KDM4C: variants seen among roughly 807,000 people sequenced by gnomAD.
KDM4C encodes the protein lysine-specific demethylase 4C.
In KDM4C, 81 loss-of-function variants were observed where a neutral mutation model predicts 129.3. The observed-to-expected ratio is 0.63, with a 90% CI of 0.52 to 0.75. The LOEUF (loss-of-function observed/expected upper bound fraction) is 0.75. KDM4C is among the 30% of genes least tolerant of loss of function. The pLI, the probability that KDM4C is intolerant of heterozygous loss-of-function variation, is 0.00. For synonymous variants in KDM4C, 573 were observed against 456.1 expected (o/e 1.26, Z -3.26); for missense variants, 1,457 against 1,304.0 (o/e 1.12, Z -1.81).
chr9:7,076,979 C>G, intron 17 of KDM4C: 2 of 985,688 alleles, frequency 2.0e-6, no homozygotes, highest in Non-Finnish European at 2.4e-6. Flanking sequence ...AGGCTTGAAT[C>G]TAAGAGAATC....
At chr9:7,049,047 A>C (rs375759384) in intron 16 of KDM4C, 45 bp from the exon 17 acceptor site, 14 of 1,313,432 alleles carry the variant, frequency 1.1e-5, no homozygotes, top group African/African-American at 2.9e-5. Flanking sequence ...GAAGTATGTA[A>C]GTTTAGGGAA....
intron 1 of KDM4C, among the ~76,000 whole-genome samples, chr9:6,768,120 C>A (rs1416232590): frequency 6.6e-6 from 1 of 152,100 alleles, no homozygotes; most frequent in Non-Finnish European, 1.5e-5. Context: ...TGAACTTTTT[C>A]AGTCGACCGA....
intron 1 of KDM4C, among the ~76,000 whole-genome samples, chr9:6,721,501 C>T (rs1816954112): frequency 6.6e-6 from 1 of 151,444 alleles, no homozygotes; most frequent in Non-Finnish European, 1.5e-5. Flanking sequence ...GCAGGCTGGT[C>T]TCAAACTCCT....
At chr9:6,835,444 C>T (rs1835709047) in intron 4 of KDM4C, 9 of 1,191,100 alleles carry the variant, frequency 7.6e-6, no homozygotes, top group Non-Finnish European at 1.0e-5. Flanking sequence ...GATCATTGCT[C>T]CTCCTGAGCT....
intron 8 of KDM4C, among the ~76,000 whole-genome samples, chr9:6,935,780 T>C (rs1361104814): frequency 6.6e-6 from 1 of 152,202 alleles, no homozygotes; most frequent in African/African-American, 2.4e-5. Context: ...TTGTAGTTTG[T>C]GTTATGTGTT....
At chr9:7,005,941 T>C (rs1821587685) in intron 12 of KDM4C, among the ~76,000 whole-genome samples, 2 of 152,228 alleles carry the variant, frequency 1.3e-5, no homozygotes, top group East Asian at 3.8e-4. Flanking sequence ...TTAGAATAAT[T>C]TGGTGTCACT....
chr9:6,962,553 C>T (rs1368634179), intron 8 of KDM4C, among the ~76,000 whole-genome samples: 2 of 152,024 alleles, frequency 1.3e-5, no homozygotes, highest in Non-Finnish European at 2.9e-5. Context: ...AACAAGAAAT[C>T]CTATAAATGT....
At chr9:7,126,801 G>T (rs1346096961) in intron 18 of KDM4C, among the ~76,000 whole-genome samples, 2 of 151,816 alleles carry the variant, frequency 1.3e-5, no homozygotes, top group Non-Finnish European at 1.5e-5. Context: ...CAGGACTGGT[G>T]CAAGATGATC....
At chr9:6,822,851 T>A (rs186878434) in intron 4 of KDM4C, among the ~76,000 whole-genome samples, 1 of 152,248 alleles carries the variant, frequency 6.6e-6, no homozygotes, top group Non-Finnish European at 1.5e-5. Context: ...CCAGTAGCCA[T>A]GTACACCTGC....
chr9:7,088,872 C>T (rs1835460197), intron 17 of KDM4C, among the ~76,000 whole-genome samples: 1 of 152,026 alleles, frequency 6.6e-6, no homozygotes. Context: ...AAAGCTGTTT[C>T]CATAGCAGCT....
At chr9:7,130,693 G>A (rs1487383562) in intron 19 of KDM4C, among the ~76,000 whole-genome samples, 1 of 152,158 alleles carries the variant, frequency 6.6e-6, no homozygotes, top group Admixed American at 6.6e-5. Context: ...ACCATGGAGT[G>A]GCATGAATTC....
intron 1 of KDM4C, among the ~76,000 whole-genome samples, chr9:6,725,953 G>T (rs551529519): frequency 1.4e-5 from 2 of 143,500 alleles, no homozygotes; most frequent in Non-Finnish European, 3.0e-5. Context: ...TTGAGACAGA[G>T]TCTCGATCTG....
chr9:7,021,688 C>T (rs566340164), intron 15 of KDM4C, among the ~76,000 whole-genome samples: 8 of 152,066 alleles, frequency 5.3e-5, no homozygotes, highest in African/African-American at 7.2e-5. Context: ...ATTTTTACTT[C>T]GTTGCCTGTG....
chr9:7,005,334 C>A (rs898076408), intron 12 of KDM4C, among the ~76,000 whole-genome samples: 2 of 150,792 alleles, frequency 1.3e-5, no homozygotes, highest in African/African-American at 4.9e-5. Flanking sequence ...ACTCGGGAGG[C>A]TGAGGCAGGA....
intron 2 of KDM4C, among the ~76,000 whole-genome samples, chr9:6,797,831 A>G (rs1354941299): frequency 1.3e-5 from 2 of 152,244 alleles, no homozygotes; most frequent in Admixed American, 6.5e-5. Flanking sequence ...ATTTTAGCAG[A>G]AAGTTTCCCA....
At chr9:7,168,175 C>G (rs1276849039) in intron 20 of KDM4C, among the ~76,000 whole-genome samples, 1 of 151,692 alleles carries the variant, frequency 6.6e-6, no homozygotes, top group African/African-American at 2.4e-5. Flanking sequence ...GCAACAAGAG[C>G]GAAACTCCGT....
intron 4 of KDM4C, among the ~76,000 whole-genome samples, chr9:6,848,037 A>G (rs1383751454): frequency 6.6e-6 from 1 of 152,196 alleles, no homozygotes; most frequent in East Asian, 1.9e-4. Flanking sequence ...TTTGGTAGAC[A>G]TAGATGAATT....
intron 4 of KDM4C, among the ~76,000 whole-genome samples, chr9:6,838,227 G>A (rs1165453623): frequency 3.3e-5 from 5 of 152,026 alleles, no homozygotes; most frequent in African/African-American, 9.7e-5. Flanking sequence ...ATTCCTTGAC[G>A]ACAGAATAAG....
At chr9:7,008,998 A>C (rs746928511) in intron 12 of KDM4C, among the ~76,000 whole-genome samples, 5 of 152,238 alleles carry the variant, frequency 3.3e-5, no homozygotes, top group Non-Finnish European at 7.3e-5. Context: ...TCAGGGAAAC[A>C]TGACACCACT....
Sources: gnomAD v4.1 joint callset for allele counts (sites outside exome capture counted in the v4.1 genomes callset) on GRCh38, gnomAD v4.1.1 for gene constraint, MANE v1.5 for transcripts, NCBI Gene and HGNC (gene_info 2026-07-23, HGNC 2026-07-21) for gene names.